Variants in HS6ST3 observed in about 807,000 individuals in gnomAD.
The protein encoded by HS6ST3 is heparan sulfate 6-O-sulfotransferase 3.
Under a neutral mutation model 36.7 loss-of-function variants are expected in HS6ST3, and 12 were observed. That is an observed-to-expected ratio of 0.33 (90% CI 0.21 to 0.53). HS6ST3 has a LOEUF of 0.53. HS6ST3 is among the 20% of genes least tolerant of loss of function. The pLI is 0.95. For missense variants in HS6ST3, 584 were observed against 640.9 expected (o/e 0.91, Z 0.96); for synonymous variants, 240 against 257.5 (o/e 0.93, Z 0.65).
At chr13:96,668,091 C>T (rs1034783022) in intron 1 of HS6ST3, among the ~76,000 whole-genome samples, 3 of 152,016 alleles carry the variant, frequency 2.0e-5, no homozygotes, top group Non-Finnish European at 2.9e-5. Flanking sequence ...CAGCTCTTTG[C>T]AATAGATACT....
chr13:96,220,175 A>G (rs1228361927), intron 1 of HS6ST3, among the ~76,000 whole-genome samples: 1 of 152,136 alleles, frequency 6.6e-6, no homozygotes, highest in Non-Finnish European at 1.5e-5. Context: ...TCTATCTTGG[A>G]GAGTGGTAGG....
intron 1 of HS6ST3, among the ~76,000 whole-genome samples, chr13:96,533,407 A>G (rs567110538): frequency 4.6e-5 from 7 of 152,328 alleles, no homozygotes; most frequent in South Asian, 4.1e-4. Flanking sequence ...GATGGCCACA[A>G]TGAATTAGCT....
At chr13:96,173,759 T>C (rs4441137) in intron 1 of HS6ST3, among the ~76,000 whole-genome samples, 143,558 of 151,432 alleles carry the variant, frequency 0.95, 68,145 homozygotes, top group African/African-American at 0.97. Flanking sequence ...TTTTAATTGG[T>C]GCCTAGTAAA....
At chr13:96,423,006 T>C (rs1036697158) in intron 1 of HS6ST3, among the ~76,000 whole-genome samples, 3 of 152,142 alleles carry the variant, frequency 2.0e-5, no homozygotes, top group Non-Finnish European at 4.4e-5. Context: ...GAAATAAATA[T>C]ATAATTGAAA....
intron 1 of HS6ST3, among the ~76,000 whole-genome samples, chr13:96,436,966 A>AT (rs35877373): frequency 8.3e-4 from 125 of 151,042 alleles, no homozygotes; most frequent in South Asian, 2.5e-3. Flanking sequence ...AAGGGCCTCC[A>AT]TTTTTTTTTT....
chr13:96,545,560 T>C (rs2056194770), intron 1 of HS6ST3, among the ~76,000 whole-genome samples: 1 of 152,162 alleles, frequency 6.6e-6, no homozygotes, highest in African/African-American at 2.4e-5. Context: ...GTAAGTATAG[T>C]TTGTGCTGAA....
chr13:96,238,646 C>G (rs952530870), intron 1 of HS6ST3, among the ~76,000 whole-genome samples: 1 of 152,170 alleles, frequency 6.6e-6, no homozygotes, highest in African/African-American at 2.4e-5. Context: ...AGACTCATGG[C>G]TTAGGATTAT....
intron 1 of HS6ST3, among the ~76,000 whole-genome samples, chr13:96,204,167 ATATT>A (rs1457309255): frequency 1.4e-4 from 22 of 152,160 alleles, no homozygotes; most frequent in African/African-American, 5.1e-4. Flanking sequence ...AAATATGTAT[ATATT>A]GGCAAATCAT....
At chr13:96,263,942 G>A (rs1461538216) in intron 1 of HS6ST3, among the ~76,000 whole-genome samples, 1 of 152,186 alleles carries the variant, frequency 6.6e-6, no homozygotes, top group African/African-American at 2.4e-5. Flanking sequence ...GCAGCCACAT[G>A]CCTGTTCTCA....
chr13:96,187,896 A>G (rs2054271686), intron 1 of HS6ST3, among the ~76,000 whole-genome samples: 2 of 152,170 alleles, frequency 1.3e-5, no homozygotes, highest in African/African-American at 4.8e-5. Context: ...GAATGCCTTT[A>G]AATGAATCTC....
At position 96,534,987 on chromosome 13, in the gene HS6ST3, C is replaced by A. The variant is rs558816908; in HGVS notation, c.708-297503C>A. On this transcript the variant is annotated intron_variant, in intron 1 of 1. Coordinates refer to ENST00000376705, the MANE Select transcript of HS6ST3 (RefSeq NM_153456.4). The stretch of plus-strand genomic sequence containing the variant: ...AAACAAACAAACAAAAAAAGAGGAA[C>A]GCAGAACAGACTGTGAAAGCATAGC... Among the ~76,000 whole-genome samples, 7 of 152,080 alleles carry A rather than the reference C, an allele frequency of 4.6e-5. No individual in the cohort carries two copies. The South Asian group carries it at 1.5e-3, about 32-fold the overall frequency.
At chr13:96,370,732 C>T (rs771580233) in intron 1 of HS6ST3, among the ~76,000 whole-genome samples, 17 of 151,958 alleles carry the variant, frequency 1.1e-4, no homozygotes, top group African/African-American at 4.8e-5. Flanking sequence ...GCCAACATGG[C>T]GAAACTCTGT....
rs1168718960 is a variant in HS6ST3, at chr13:96,402,378, CTAT to C, written c.707+310818_707+310820del. Among the ~76,000 whole-genome samples the C allele has an allele frequency of 2.0e-5, 3 of 152,138 alleles. 1 individual carries two copies. The highest frequency in any genetic ancestry group is 4.1e-4 in the South Asian group (2 of 4,834). On this transcript the variant is annotated intron_variant, in intron 1 of 1. Coordinates refer to ENST00000376705, the MANE Select transcript of HS6ST3 (RefSeq NM_153456.4). Reference sequence around the variant, plus strand: ...ATAATGAATACTATATAAGTTTTAACTATTATTATTAAGTGCTTTAGAATGGTT... The same window carrying C: ...ATAATGAATACTATATAAGTTTTAACTATTATTAAGTGCTTTAGAATGGTT...
At chr13:96,804,595 A>G (rs542504810) in intron 1 of HS6ST3, among the ~76,000 whole-genome samples, 2 of 152,276 alleles carry the variant, frequency 1.3e-5, no homozygotes, top group South Asian at 2.1e-4. Context: ...TACTTAGGTT[A>G]CCTACAAAAC....
At chr13:96,798,421 C>A (rs561312299) in intron 1 of HS6ST3, among the ~76,000 whole-genome samples, 173 of 152,200 alleles carry the variant, frequency 1.1e-3, no homozygotes, top group Non-Finnish European at 2.0e-3. Context: ...TTGAAGCTAC[C>A]TAAGGGCTTC....
chr13:96,383,775 A>G (rs1292206059), intron 1 of HS6ST3, among the ~76,000 whole-genome samples: 1 of 152,170 alleles, frequency 6.6e-6, no homozygotes, highest in African/African-American at 2.4e-5. Flanking sequence ...GGGAAGCACA[A>G]GGTGGTGGGG....
At chr13:96,165,010 T>C (rs1277893107) in intron 1 of HS6ST3, among the ~76,000 whole-genome samples, 1 of 152,230 alleles carries the variant, frequency 6.6e-6, no homozygotes, top group Non-Finnish European at 1.5e-5. Context: ...TCATGAAATA[T>C]TGATTTCAGT....
At chr13:96,813,373 G>A (rs1433440748) in intron 1 of HS6ST3, among the ~76,000 whole-genome samples, 2 of 152,086 alleles carry the variant, frequency 1.3e-5, no homozygotes, top group East Asian at 1.9e-4. Flanking sequence ...AAGGATAAAC[G>A]CCATCTGCGT....
intron 1 of HS6ST3, among the ~76,000 whole-genome samples, chr13:96,593,174 C>T (rs1485528441): frequency 9.4e-4 from 44 of 46,582 alleles, no homozygotes; most frequent in South Asian, 2.9e-3. Context: ...TTCTTTCTTT[C>T]TTTTTTTTTT....
Sources: allele counts gnomAD v4.1 joint callset (sites outside exome capture counted in the v4.1 genomes callset), GRCh38; gene constraint gnomAD v4.1.1; transcripts MANE v1.5; gene names NCBI Gene and HGNC (gene_info 2026-07-23, HGNC 2026-07-21).